Variants in ERCC6L2 observed in about 807,000 individuals in gnomAD.
The protein encoded by ERCC6L2 is ERCC excision repair 6 like 2, also known as DNA excision repair protein ERCC-6-like 2.
ERCC6L2 carries 77 observed loss-of-function variants against 132.0 expected under a neutral mutation model. The ratio of observed to expected loss-of-function variants is 0.58; its 90% CI spans 0.49 to 0.71. The LOEUF (loss-of-function observed/expected upper bound fraction) is 0.71, where lower values mean the gene tolerates loss of function less well. ERCC6L2 is among the 30% of genes least tolerant of loss of function. The probability of loss-of-function intolerance (pLI) is 0.00; values close to 1 mark genes in which losing one functional copy is unlikely to be tolerated. For synonymous variants in ERCC6L2, 583 were observed against 632.4 expected (o/e 0.92, Z 1.17); for missense variants, 1,542 against 1,837.6 (o/e 0.84, Z 2.94).
intron 1 of ERCC6L2, chr9:95,876,648 G>A (rs1827286615): frequency 6.6e-6 from 1 of 152,190 alleles, no homozygotes; most frequent in South Asian, 2.1e-4. Flanking sequence ...ATGCCTTCTG[G>A]CACCCAAATG....
intron 16 of ERCC6L2, among the ~76,000 whole-genome samples, chr9:95,973,835 A>G (rs949929628): frequency 2.6e-5 from 4 of 152,144 alleles, no homozygotes; most frequent in African/African-American, 9.7e-5. Flanking sequence ...TTTTTAATCT[A>G]CAGGAATCCT....
intron 11 of ERCC6L2, among the ~76,000 whole-genome samples, chr9:95,939,816 G>T (rs943854692): frequency 2.0e-5 from 3 of 152,108 alleles, no homozygotes; most frequent in Admixed American, 6.5e-5. Context: ...TATTCAGGCT[G>T]CAATTTTCCT....
intron 19 of ERCC6L2, among the ~76,000 whole-genome samples, chr9:96,037,672 G>C (rs1834535303): frequency 6.6e-6 from 1 of 152,144 alleles, no homozygotes; most frequent in South Asian, 2.1e-4. Context: ...AATAGCTTCT[G>C]AGCACCTAAA....
chr9:95,931,854 A>G (rs574335223), intron 11 of ERCC6L2, among the ~76,000 whole-genome samples: 22 of 149,968 alleles, frequency 1.5e-4, no homozygotes, highest in South Asian at 4.2e-4. Flanking sequence ...GTTCTTTTTC[A>G]ACTCTGGAAA....
At chr9:95,969,768 G>A (rs926249819) in intron 14 of ERCC6L2, among the ~76,000 whole-genome samples, 4 of 152,170 alleles carry the variant, frequency 2.6e-5, no homozygotes, top group Non-Finnish European at 4.4e-5. Flanking sequence ...GAGTTCCATA[G>A]GGGAGATTCT....
At chr9:95,894,502 G>A (rs1158554413) in intron 2 of ERCC6L2, among the ~76,000 whole-genome samples, 1 of 146,326 alleles carries the variant, frequency 6.8e-6, no homozygotes, top group Admixed American at 6.8e-5. Flanking sequence ...CTAGTTTCTT[G>A]TATTGTGATC....
intron 4 of ERCC6L2, among the ~76,000 whole-genome samples, chr9:95,908,112 TGGA>T (rs1240735028): frequency 1.3e-5 from 2 of 152,154 alleles, no homozygotes; most frequent in Non-Finnish European, 2.9e-5. Context: ...CCAAGCTGAA[TGGA>T]GAAGGACCAA....
intron 2 of ERCC6L2, among the ~76,000 whole-genome samples, chr9:95,895,975 C>T (rs1034443020): frequency 2.6e-5 from 4 of 152,196 alleles, no homozygotes; most frequent in Non-Finnish European, 4.4e-5. Context: ...ATCCACCCAC[C>T]TTGGCCTCCC....
rs2133237633 is a variant in ERCC6L2 at position 96,016,022 on chromosome 9, G to A, written c.*2819G>A. Among the ~76,000 whole-genome samples the A allele has an allele frequency of 2.0e-5, 3 of 152,228 alleles. No individual in the cohort carries two copies. In the South Asian group the frequency reaches 6.2e-4, roughly 32 times the overall value. Reference sequence around the variant, plus strand: ...CTGCAATGGAGTGATGGAAAGATTTGGTACAACCATTGATGACCTGAGAAC... The same window carrying A: ...CTGCAATGGAGTGATGGAAAGATTTAGTACAACCATTGATGACCTGAGAAC... On this transcript the variant is annotated 3_prime_UTR_variant, in exon 19 of 19. Coordinates refer to ENST00000653738, the MANE Select transcript of ERCC6L2 (RefSeq NM_020207.7).
At chr9:95,915,885 C>A (rs1224055382) in intron 5 of ERCC6L2, 56 bp downstream of exon 5, 7 of 1,455,820 alleles carry the variant, frequency 4.8e-6, no homozygotes, top group Non-Finnish European at 4.6e-6. Context: ...TGAATACGGT[C>A]TTGTTTGCTA....
intron 17 of ERCC6L2, among the ~76,000 whole-genome samples, chr9:95,982,783 A>G (rs1239684885): frequency 6.6e-6 from 1 of 152,178 alleles, no homozygotes; most frequent in Admixed American, 6.5e-5. Context: ...ACCTAGAACT[A>G]GGATTGATTG....
chr9:95,927,342 A>G (rs575740185), intron 9 of ERCC6L2, among the ~76,000 whole-genome samples: 1 of 152,268 alleles, frequency 6.6e-6, no homozygotes, highest in East Asian at 1.9e-4. Context: ...TTTCAGAAGA[A>G]TTTAGACTTT....
rs901135889 is a variant in ERCC6L2, at chr9:95,941,116, C to T, written c.1752-338C>T. Among the ~76,000 whole-genome samples the T allele has an allele frequency of 9.9e-5, 15 of 152,058 alleles. No homozygotes were observed. In the South Asian group the frequency reaches 1.9e-3, roughly 19 times the overall value. On this transcript the variant is annotated intron_variant, in intron 11 of 18. Coordinates refer to ENST00000653738, the MANE Select transcript of ERCC6L2 (RefSeq NM_020207.7). ...ATTGAGTTTTTTAATGTATGCATTA[C>T]TTTATTTAGCTAGAATGTACTAACA...
At chr9:95,976,729 C>T (rs1271013200) in intron 16 of ERCC6L2, among the ~76,000 whole-genome samples, 3 of 152,124 alleles carry the variant, frequency 2.0e-5, no homozygotes. Flanking sequence ...CAGAGATTCT[C>T]CTGCTTCTTC....
intron 14 of ERCC6L2, 53 bp from the exon 15 acceptor site, chr9:95,970,523 T>TG (rs1320817963): frequency 1.5e-5 from 17 of 1,127,458 alleles, no homozygotes; most frequent in Non-Finnish European, 2.0e-5. Flanking sequence ...ATCTGGTTGT[T>TG]GCTACCCCCT....
At chr9:95,890,978 T>C (rs1388098178) in intron 2 of ERCC6L2, among the ~76,000 whole-genome samples, 2 of 152,158 alleles carry the variant, frequency 1.3e-5, no homozygotes, top group East Asian at 1.9e-4. Flanking sequence ...TTTGGGAGGC[T>C]AAGGTGGGCA....
intron 18 of ERCC6L2, among the ~76,000 whole-genome samples, chr9:96,009,678 C>T (rs1833968872): frequency 6.6e-6 from 1 of 152,142 alleles, no homozygotes; most frequent in Non-Finnish European, 1.5e-5. Context: ...CCTGTTTGTA[C>T]CCTGCAGTTC....
chr9:95,997,238 A>G (rs1833502659), intron 17 of ERCC6L2, among the ~76,000 whole-genome samples: 1 of 152,240 alleles, frequency 6.6e-6, no homozygotes, highest in South Asian at 2.1e-4. Flanking sequence ...AAATATCTAC[A>G]TTAACAGAAG....
chr9:96,027,160 C>T (rs1216521070), intron 19 of ERCC6L2, among the ~76,000 whole-genome samples: 1 of 149,016 alleles, frequency 6.7e-6, no homozygotes, highest in African/African-American at 2.5e-5. Context: ...CCACATGCAC[C>T]ACACCACACA....
Sources: allele counts gnomAD v4.1 joint callset (sites outside exome capture counted in the v4.1 genomes callset), GRCh38; gene constraint gnomAD v4.1.1; transcripts MANE v1.5; gene names NCBI Gene and HGNC (gene_info 2026-07-23, HGNC 2026-07-21).